Variants in ADAMTS2 observed in about 807,000 individuals in gnomAD.
ADAMTS2 encodes A disintegrin and metalloproteinase with thrombospondin motifs 2.
In ADAMTS2, 50 loss-of-function variants were observed where a neutral mutation model predicts 123.0. The ratio of observed to expected loss-of-function variants is 0.41; its 90% CI spans 0.32 to 0.51. The LOEUF (loss-of-function observed/expected upper bound fraction) is 0.51. Ranked by LOEUF, ADAMTS2 falls within the 20% of genes least tolerant of loss-of-function variation. The pLI is 0.35. For synonymous variants in ADAMTS2, 678 were observed against 695.4 expected, an observed-to-expected ratio of 0.98 and a Z score of 0.39; for missense variants, 1,494 against 1,705.2, an observed-to-expected ratio of 0.88 and a Z score of 2.18.
At chr5:179,139,409 G>A (rs1335021293) in intron 11 of ADAMTS2, among the ~76,000 whole-genome samples, 4 of 152,096 alleles carry the variant, frequency 2.6e-5, no homozygotes, top group Non-Finnish European at 4.4e-5. Flanking sequence ...TGGGGCTGAG[G>A]TATAGCTGAG....
At chr5:179,173,669 T>TAGAAATGAATGTCTGGGGTCAC (rs1253487252) in intron 5 of ADAMTS2, among the ~76,000 whole-genome samples, 4 of 152,224 alleles carry the variant, frequency 2.6e-5, no homozygotes, top group African/African-American at 9.6e-5. Context: ...AACAGAGTTG[T>TAGAAATGAATGTCTGGGGTCAC]AGAAATGAAT....
At chr5:179,249,078 A>T (rs1052511030) in intron 3 of ADAMTS2, among the ~76,000 whole-genome samples, 2 of 152,190 alleles carry the variant, frequency 1.3e-5, no homozygotes, top group African/African-American at 4.8e-5. Context: ...AATCAATGAC[A>T]GAAGAAACCC....
intron 20 of ADAMTS2, among the ~76,000 whole-genome samples, chr5:179,122,439 G>T (rs1399118925): frequency 2.0e-5 from 3 of 152,148 alleles, no homozygotes; most frequent in African/African-American, 7.2e-5. Context: ...GCAGGGAGGG[G>T]CGAGTCAGCT....
intron 3 of ADAMTS2, among the ~76,000 whole-genome samples, chr5:179,220,697 C>G (rs980128956): frequency 6.6e-6 from 1 of 152,178 alleles, no homozygotes. Context: ...GCTCCTGACT[C>G]CAGCAGCATC....
chr5:179,147,242 C>T, intron 10 of ADAMTS2, among the ~76,000 whole-genome samples: 1 of 152,172 alleles, frequency 6.6e-6, no homozygotes, highest in African/African-American at 2.4e-5. Flanking sequence ...GCATGCGCCA[C>T]CATGCCTGGC....
intron 5 of ADAMTS2, among the ~76,000 whole-genome samples, chr5:179,165,363 C>T (rs151022963): frequency 1.3e-5 from 2 of 152,346 alleles, no homozygotes; most frequent in South Asian, 2.1e-4. Flanking sequence ...GGAGGCTGCA[C>T]TGCTTGTTTC....
rs991305370 is a variant in ADAMTS2 at position 179,111,141 on chromosome 5, G to A, written c.*2726C>T. The A allele has an allele frequency of 6.6e-6, 1 of 152,184 alleles. No individual in the cohort carries two copies. The highest frequency in any genetic ancestry group is 2.4e-5 in the African/African-American group (1 of 41,450). The allele number at this position is 152,184 out of a possible 1,614,324, so 9.4% of individuals were successfully genotyped here. ...AAGCCTTATACATGAAATTCCATGG[G>A]TTTTCCAAAAGGAGTAAATCAGAGA... On this transcript the variant is annotated 3_prime_UTR_variant, in exon 22 of 22. Coordinates refer to ENST00000251582, the MANE Select transcript of ADAMTS2 (RefSeq NM_014244.5).
chr5:179,334,931 A>G (rs1292142681), intron 2 of ADAMTS2, among the ~76,000 whole-genome samples: 1 of 152,246 alleles, frequency 6.6e-6, no homozygotes, highest in Non-Finnish European at 1.5e-5. Flanking sequence ...AGCAGAATGA[A>G]ATAAGCTGAA....
At chr5:179,274,574 TATC>T (rs1331412421) in intron 2 of ADAMTS2, among the ~76,000 whole-genome samples, 7 of 152,216 alleles carry the variant, frequency 4.6e-5, no homozygotes, top group African/African-American at 1.7e-4. Flanking sequence ...GCCTCTGCCA[TATC>T]ATCATCTTGG....
At chr5:179,265,466 C>T (rs772222805) in intron 3 of ADAMTS2, among the ~76,000 whole-genome samples, 27 of 152,188 alleles carry the variant, frequency 1.8e-4, no homozygotes, top group Non-Finnish European at 4.4e-5. Context: ...CACCCTGGCA[C>T]GTCTCCACTG....
rs184262303 is a variant in ADAMTS2, at chr5:179,175,026, C to T, written c.975+6046G>A. ...GGAAGTCTCTTCCTTGCTTGGGTTC[C>T]GCAGCTGTCTCAGCCATTCTTGACC... On this transcript the variant is annotated intron_variant, in intron 5 of 21. Transcript: ENST00000251582. This position sits in a 1 kb window ranked among gnomAD's most constrained non-coding sequence, Gnocchi z 4.1. 0.022 allele frequency among the ~76,000 whole-genome samples: 3,341 copies of T among 149,844 alleles called. 17 individuals carry two copies. Among genetic ancestry groups the T allele is most frequent in the Middle Eastern group, 0.038 (11 of 290 alleles).
intron 5 of ADAMTS2, among the ~76,000 whole-genome samples, chr5:179,161,980 C>T: frequency 6.6e-6 from 1 of 152,124 alleles, no homozygotes; most frequent in East Asian, 1.9e-4. Flanking sequence ...GCCCCTGCTG[C>T]AGTGTGAGTG....
intron 2 of ADAMTS2, among the ~76,000 whole-genome samples, chr5:179,287,604 G>A (rs1282053308): frequency 2.5e-5 from 2 of 81,310 alleles, no homozygotes; most frequent in Non-Finnish European, 7.2e-5. Flanking sequence ...GTTGGAAGAC[G>A]GGGTATGCAA....
chr5:179,175,690 G>T lies in ADAMTS2; in HGVS notation c.975+5382C>A, dbSNP rs1055846262. 2.0e-4 allele frequency among the ~76,000 whole-genome samples: 30 copies of T among 152,194 alleles called. No individual in the cohort carries two copies. Among genetic ancestry groups the T allele is most frequent in the African/African-American group, 6.8e-4 (28 of 41,446 alleles). On this transcript the variant is annotated intron_variant, in intron 5 of 21. Coordinates refer to ENST00000251582, the MANE Select transcript of ADAMTS2 (RefSeq NM_014244.5). This position sits in a 1 kb window ranked among gnomAD's most constrained non-coding sequence, Gnocchi z 4.1. The stretch of plus-strand genomic sequence containing the variant: ...TCCTAACTCTACAAGTTGTACCGTG[G>T]ATTCTTTTAGGTTTTCCCGACACAT...
intron 2 of ADAMTS2, among the ~76,000 whole-genome samples, chr5:179,304,216 A>G (rs1329500085): frequency 1.3e-5 from 2 of 152,222 alleles, no homozygotes; most frequent in Non-Finnish European, 2.9e-5. Flanking sequence ...TACCTGATCA[A>G]ACAAAAATAA....
chr5:179,164,782 GAAGTGGGTTTGCCTGGTGGCAGCACCCAA>G (rs1483840960), intron 5 of ADAMTS2, among the ~76,000 whole-genome samples: 1 of 152,192 alleles, frequency 6.6e-6, no homozygotes, highest in Non-Finnish European at 1.5e-5. Context: ...AAAACTGGCT[GAAGTGGGTTTGCCTGGTGGCAGCACCCAA>G]AACAACCATC....
chr5:179,160,434 G>C (rs1581160972), intron 5 of ADAMTS2, among the ~76,000 whole-genome samples: 1 of 152,222 alleles, frequency 6.6e-6, no homozygotes, highest in Admixed American at 6.5e-5. Flanking sequence ...CTAGGCGACA[G>C]AGTGAGACTC....
At position 179,312,665 on chromosome 5, in the gene ADAMTS2, C is replaced by T. The variant is rs1055201090; in HGVS notation, c.534+31102G>A. Among the ~76,000 whole-genome samples, 1 of 152,230 alleles carries T rather than the reference C, an allele frequency of 6.6e-6. No homozygotes were observed. Among genetic ancestry groups the T allele is most frequent in the Non-Finnish European group, 1.5e-5 (1 of 68,030 alleles). ...GCCAGGCAGAGGAGAAGGCCACGTA[C>T]AGGCAGAGCAGAGGGAGATGGAGGA... On this transcript the variant is annotated intron_variant, in intron 2 of 21. Coordinates refer to ENST00000251582, the MANE Select transcript of ADAMTS2 (RefSeq NM_014244.5). The surrounding 1 kb of genome is among the most constrained non-coding windows in gnomAD (Gnocchi z 4.2).
intron 18 of ADAMTS2, 90 bp downstream of exon 18, chr5:179,125,908 C>G (rs1762847182): frequency 6.4e-7 from 1 of 1,561,366 alleles, no homozygotes; most frequent in Non-Finnish European, 8.7e-7. Flanking sequence ...CGGATGATGC[C>G]AGGCCCAGGC....
Sources: allele counts gnomAD v4.1 joint callset (sites outside exome capture counted in the v4.1 genomes callset), GRCh38; gene constraint gnomAD v4.1.1; non-coding constraint Gnocchi (gnomAD v3.1); transcripts MANE v1.5; gene names NCBI Gene and HGNC (gene_info 2026-07-23, HGNC 2026-07-21).